The following PNO1 variants were observed in gnomAD, a reference collection of about 807,000 sequenced individuals.
PNO1 encodes the protein RNA-binding protein PNO1.
PNO1 carries 16 observed loss-of-function variants against 28.4 expected under a neutral mutation model. The observed-to-expected ratio is 0.56, with a 90% CI of 0.38 to 0.85. The LOEUF is 0.85. Among genes scored for constraint, PNO1 ranks in the 40% least tolerant of loss-of-function variants. The probability of loss-of-function intolerance (pLI) is 0.00; values close to 1 mark genes in which losing one functional copy is unlikely to be tolerated. For missense variants in PNO1, 304 were observed against 312.2 expected, an observed-to-expected ratio of 0.97 and a Z score of 0.20; for synonymous variants, 115 against 110.8, an observed-to-expected ratio of 1.04 and a Z score of -0.24.
At chr2:68,174,677 C>A in intron 6 of PNO1, 58 bp from the exon 7 acceptor site, 2 of 1,182,442 alleles carry the variant, frequency 1.7e-6, no homozygotes, top group East Asian at 2.4e-5. Context: ...TGAGGGACAA[C>A]TGTAGGCGCT....
At chr2:68,162,953 G>C (rs1373057595) in intron 5 of PNO1, among the ~76,000 whole-genome samples, 1 of 152,196 alleles carries the variant, frequency 6.6e-6, no homozygotes, top group African/African-American at 2.4e-5. Flanking sequence ...CTTTATGACA[G>C]AGTGTTGAAT....
intron 2 of PNO1, among the ~76,000 whole-genome samples, 200 bp downstream of exon 2, chr2:68,158,729 T>C (rs964452305): frequency 2.0e-5 from 3 of 152,236 alleles, no homozygotes; most frequent in African/African-American, 7.2e-5. Flanking sequence ...ATTTGTAAAT[T>C]AGTTCTGAGA....
chr2:68,162,177 G>A (rs1673848490), intron 3 of PNO1, 88 bp from the exon 4 acceptor site: 1 of 965,582 alleles, frequency 1.0e-6, no homozygotes, highest in Non-Finnish European at 1.6e-6. Context: ...TAGAGTTTGT[G>A]GATTTTAGTT....
At chr2:68,172,364 TG>T (rs899348974) in intron 5 of PNO1, among the ~76,000 whole-genome samples, 6 of 152,120 alleles carry the variant, frequency 3.9e-5, no homozygotes, top group Admixed American at 3.9e-4. Context: ...CAGAGGTACC[TG>T]GTTTGTGGAG....
chr2:68,168,921 CTTTTTTTTTT>C (rs57701897), intron 5 of PNO1, among the ~76,000 whole-genome samples: 1 of 72,484 alleles, frequency 1.4e-5, no homozygotes, highest in Non-Finnish European at 2.4e-5. Flanking sequence ...CAGCTTTTTT[CTTTTTTTTTT>C]TTTTTTTTTT....
chr2:68,163,543 AC>A (rs1156670479), intron 5 of PNO1, among the ~76,000 whole-genome samples: 55 of 136,216 alleles, frequency 4.0e-4, no homozygotes, highest in African/African-American at 1.3e-3. Context: ...ATAAATAAAT[AC>A]ATACATACAT....
chr2:68,158,098 C>A lies in PNO1; in HGVS notation c.164C>A (p.Ala55Glu), dbSNP rs747755373. ...ATGGACACAGAGGAGGCCAGGCCGG[C>A]GAAGAGGCCCGTCTTCCCACCCCTC... ...GRMDTEEARP[A>E]KRPVFPPLCG... Residue 55 changes from alanine to glutamate, a missense_variant, in exon 1 of 7, where the codon GCG becomes GAG. By Grantham distance (107) the Ala-to-Glu change is moderately radical (BLOSUM62 -1). Transcript: ENST00000263657. 9 of 1,610,716 alleles carry A rather than the reference C, an allele frequency of 5.6e-6. No individual in the cohort carries two copies. Among genetic ancestry groups the A allele is most frequent in the Non-Finnish European group, 6.8e-6 (8 of 1,178,566 alleles).
chr2:68,162,032 G>A (rs1673844458), intron 3 of PNO1, among the ~76,000 whole-genome samples: 1 of 152,058 alleles, frequency 6.6e-6, no homozygotes, highest in Non-Finnish European at 1.5e-5. Context: ...CCAGCTACTT[G>A]GGAGGCTGAG....
chr2:68,171,526 T>C (rs1674132897), intron 5 of PNO1, among the ~76,000 whole-genome samples: 1 of 152,212 alleles, frequency 6.6e-6, no homozygotes, highest in African/African-American at 2.4e-5. Flanking sequence ...TCTTCTTCCT[T>C]TTGGGCTTAC....
Position 68,175,748 on chromosome 2 carries a change from A to G in PNO1, c.*946A>G, listed in dbSNP as rs534466212. The G allele has an allele frequency of 1.3e-5, 2 of 152,396 alleles. No individual in the cohort carries two copies. The highest frequency in any genetic ancestry group is 4.1e-4 in the South Asian group (2 of 4,834). 9.4% of individuals were successfully genotyped at this position (152,396 alleles called of 1,614,324 possible). On this transcript the variant is annotated 3_prime_UTR_variant, in exon 7 of 7. Transcript: ENST00000263657. ...TTTCAAATGAGTATTTAATGAAAGT[A>G]TACATAACCAATGTTGGGTATACAG...
At chr2:68,163,509 C>T (rs1488129536) in intron 5 of PNO1, among the ~76,000 whole-genome samples, 3 of 151,874 alleles carry the variant, frequency 2.0e-5, no homozygotes, top group Admixed American at 1.3e-4. Flanking sequence ...CCAGCCTGGG[C>T]GACAGAGTGA....
intron 5 of PNO1, among the ~76,000 whole-genome samples, chr2:68,163,417 C>T (rs944990514): frequency 5.9e-5 from 9 of 151,922 alleles, no homozygotes; most frequent in Non-Finnish European, 1.2e-4. Flanking sequence ...TTTAGTCCCA[C>T]CTACTCGGGA....
At chr2:68,158,910 G>A (rs982904932) in intron 2 of PNO1, among the ~76,000 whole-genome samples, 6 of 152,216 alleles carry the variant, frequency 3.9e-5, no homozygotes, top group African/African-American at 1.4e-4. Context: ...TATGTTCTGG[G>A]ATATGTTTTG....
At chr2:68,169,524 A>C (rs1197753381) in intron 5 of PNO1, among the ~76,000 whole-genome samples, 1 of 152,180 alleles carries the variant, frequency 6.6e-6, no homozygotes, top group African/African-American at 2.4e-5. Context: ...CACAAGAGCA[A>C]TAGGTGGTGG....
chr2:68,162,162 A>T, intron 3 of PNO1, 103 bp from the exon 4 acceptor site: 3 of 815,544 alleles, frequency 3.7e-6, no homozygotes, highest in Non-Finnish European at 6.0e-6. Context: ...AAAGCTTTCT[A>T]GCTCTAGAGT....
At chr2:68,159,222 ATG>A (rs1057494329) in intron 2 of PNO1, among the ~76,000 whole-genome samples, 3 of 151,910 alleles carry the variant, frequency 2.0e-5, no homozygotes, top group Non-Finnish European at 4.4e-5. Flanking sequence ...TGATTAAAAA[ATG>A]TATTATTTTG....
chr2:68,160,976 T>C (rs1257109533), intron 2 of PNO1, among the ~76,000 whole-genome samples: 1 of 152,244 alleles, frequency 6.6e-6, no homozygotes, highest in East Asian at 1.9e-4. Context: ...CAGACCTGTG[T>C]TTAAATCTTA....
chr2:68,173,872 C>T (rs1375922984), intron 6 of PNO1, among the ~76,000 whole-genome samples: 1 of 152,126 alleles, frequency 6.6e-6, no homozygotes, highest in Non-Finnish European at 1.5e-5. Flanking sequence ...TGAGCCACCA[C>T]GCCCAGCCAG....
chr2:68,164,685 TGCTCAGGAG>T (rs1373950320), intron 5 of PNO1, among the ~76,000 whole-genome samples: 9 of 152,096 alleles, frequency 5.9e-5, no homozygotes, highest in Non-Finnish European at 1.3e-4. Context: ...TAGCCCTAGC[TGCTCAGGAG>T]GCTCAGGTGG....
Sources: gnomAD v4.1 joint callset for allele counts (sites outside exome capture counted in the v4.1 genomes callset) on GRCh38, gnomAD v4.1.1 for gene constraint, MANE v1.5 for transcripts, NCBI Gene and HGNC (gene_info 2026-07-23, HGNC 2026-07-21) for gene names.